ZFPM2: variants seen among roughly 807,000 people sequenced by gnomAD.
ZFPM2 encodes the protein zinc finger protein ZFPM2.
ZFPM2 carries 20 observed loss-of-function variants against 98.6 expected under a neutral mutation model. The observed-to-expected ratio is 0.20, with a 90% CI of 0.14 to 0.29. ZFPM2 has a LOEUF of 0.29. Ranked by LOEUF, ZFPM2 falls within the 10% of genes least tolerant of loss-of-function variation. The pLI is 1.00. For synonymous variants in ZFPM2, 518 were observed against 502.7 expected, an observed-to-expected ratio of 1.03 and a Z score of -0.41; for missense variants, 1,310 against 1,388.6, an observed-to-expected ratio of 0.94 and a Z score of 0.90.
chr8:105,803,252 A>C lies in ZFPM2; in HGVS notation c.3170A>C (p.Asn1057Thr). ...GLKQDERPAA[N>T]PQQENISQNP... The stretch of plus-strand genomic sequence containing the variant: ...AAACAAGATGAGAGACCTGCTGCCA[A>C]CCCACAGCAAGAGAACATTTCCCAG... The change falls in exon 8 of 8, where the codon AAC becomes ACC. Residue 1057 changes from asparagine (N) to threonine (T), a missense_variant. By Grantham distance (65) the Asn-to-Thr change is moderately conservative. Coordinates refer to ENST00000407775, the MANE Select transcript of ZFPM2 (RefSeq NM_012082.4). 2 of 1,603,230 alleles carry C rather than the reference A, an allele frequency of 1.2e-6. No individual in the cohort carries two copies. Among genetic ancestry groups the C allele is most frequent in the South Asian group, 1.1e-5 (1 of 89,586 alleles).
intron 5 of ZFPM2, among the ~76,000 whole-genome samples, chr8:105,748,606 G>C (rs1056624492): frequency 6.6e-6 from 1 of 151,896 alleles, no homozygotes; most frequent in Admixed American, 6.6e-5. Flanking sequence ...GTTTTGTTTT[G>C]TCTTTGCGAT....
intron 3 of ZFPM2, among the ~76,000 whole-genome samples, chr8:105,528,665 G>A (rs558325648): frequency 6.6e-6 from 1 of 152,248 alleles, no homozygotes; most frequent in South Asian, 2.1e-4. Context: ...ATGCAACATA[G>A]TTTGGGTAAA....
intron 5 of ZFPM2, among the ~76,000 whole-genome samples, chr8:105,709,621 A>G (rs964346477): frequency 2.0e-5 from 3 of 152,174 alleles, no homozygotes; most frequent in African/African-American, 7.2e-5. Context: ...AATTAAAATT[A>G]ACTGAGAGTG....
Position 105,803,570 on chromosome 8 carries a change from G to GTGTT in ZFPM2, c.*34_*37dup, listed in dbSNP as rs1338305830. ...TAAACATCAGTCACCTTTGGTATCA[G>GTGTT]TGTTTAGTATGTTGTTCTAACCAGT... On this transcript the variant is annotated 3_prime_UTR_variant, in exon 8 of 8. Transcript: ENST00000407775. 6.4e-7 allele frequency: 1 copy of GTGTT among 1,571,476 alleles called. No homozygotes were observed. The highest frequency in any genetic ancestry group is 8.7e-7 in the Non-Finnish European group (1 of 1,155,542).
At chr8:105,505,489 T>A (rs1449644142) in intron 3 of ZFPM2, among the ~76,000 whole-genome samples, 3 of 152,308 alleles carry the variant, frequency 2.0e-5, no homozygotes, top group East Asian at 1.9e-4. Flanking sequence ...CTTAGGACAT[T>A]TTTAACTTAC....
chr8:105,622,945 G>A (rs1215315922), intron 4 of ZFPM2, among the ~76,000 whole-genome samples: 1 of 152,076 alleles, frequency 6.6e-6, no homozygotes, highest in Non-Finnish European at 1.5e-5. Flanking sequence ...CATAATGTGT[G>A]TTCTTATACC....
At chr8:105,518,543 C>G (rs1455176229) in intron 3 of ZFPM2, among the ~76,000 whole-genome samples, 1 of 152,146 alleles carries the variant, frequency 6.6e-6, no homozygotes, top group Non-Finnish European at 1.5e-5. Flanking sequence ...GGAAATGAGT[C>G]ATGCACTGAA....
At chr8:105,698,770 A>T (rs1215881580) in intron 5 of ZFPM2, among the ~76,000 whole-genome samples, 1 of 152,224 alleles carries the variant, frequency 6.6e-6, no homozygotes, top group Non-Finnish European at 1.5e-5. Context: ...AATAAAAATT[A>T]TATGGCTTTA....
At chr8:105,681,027 G>T (rs974799643) in intron 5 of ZFPM2, among the ~76,000 whole-genome samples, 3 of 152,116 alleles carry the variant, frequency 2.0e-5, no homozygotes, top group South Asian at 2.1e-4. Context: ...ACTAAAAGTG[G>T]AATGGAAACC....
chr8:105,411,567 G>C (rs548178157), intron 1 of ZFPM2, among the ~76,000 whole-genome samples: 15 of 151,764 alleles, frequency 9.9e-5, no homozygotes, highest in Non-Finnish European at 2.1e-4. Context: ...TTCATCGTTC[G>C]TACTTATTTT....
chr8:105,647,808 T>G lies in ZFPM2; in HGVS notation c.532+13451T>G, dbSNP rs1421411428. Among the ~76,000 whole-genome samples, 10 of 152,338 alleles carry G rather than the reference T, an allele frequency of 6.6e-5. No homozygotes were observed. In the East Asian group the frequency reaches 1.9e-3, roughly 29 times the overall value. ...GACATTTGGCTTGGTTCCAACTCTT[T>G]GCTGTTGTGAATAGCACCACAATAA... On this transcript the variant is annotated intron_variant, in intron 5 of 7. Coordinates refer to ENST00000407775, the MANE Select transcript of ZFPM2 (RefSeq NM_012082.4).
intron 1 of ZFPM2, among the ~76,000 whole-genome samples, chr8:105,341,422 A>G (rs2860297): frequency 0.44 from 66,532 of 151,566 alleles, 16,893 homozygotes; most frequent in Middle Eastern, 0.58. Flanking sequence ...AATATTAACA[A>G]TGTAATACTT....
intron 5 of ZFPM2, among the ~76,000 whole-genome samples, chr8:105,689,724 G>A (rs1810832602): frequency 6.6e-6 from 1 of 152,078 alleles, no homozygotes; most frequent in Non-Finnish European, 1.5e-5. Context: ...ATTCTGCATG[G>A]CATTTTTTAA....
At chr8:105,393,382 C>CT (rs1426751066) in intron 1 of ZFPM2, among the ~76,000 whole-genome samples, 1 of 47,538 alleles carries the variant, frequency 2.1e-5, no homozygotes, top group Non-Finnish European at 4.1e-5. Flanking sequence ...TTCTTTCTTT[C>CT]TTTCTTTCTT....
intron 5 of ZFPM2, among the ~76,000 whole-genome samples, chr8:105,712,878 G>C (rs138521450): frequency 0.014 from 2,098 of 152,140 alleles, 28 homozygotes; most frequent in Admixed American, 0.023. Flanking sequence ...TGCTGCAAAG[G>C]ACATGATATC....
intron 3 of ZFPM2, among the ~76,000 whole-genome samples, chr8:105,450,666 T>A (rs959661421): frequency 2.0e-5 from 3 of 152,020 alleles, no homozygotes; most frequent in African/African-American, 7.2e-5. Flanking sequence ...CTCAATGCTT[T>A]GTGTCCATAT....
At chr8:105,397,003 A>G (rs1811233109) in intron 1 of ZFPM2, among the ~76,000 whole-genome samples, 1 of 152,238 alleles carries the variant, frequency 6.6e-6, no homozygotes, top group Non-Finnish European at 1.5e-5. Context: ...TACTCAAGAA[A>G]TAACACAAAT....
chr8:105,781,700 G>T (rs549921554), intron 5 of ZFPM2, among the ~76,000 whole-genome samples: 1 of 152,134 alleles, frequency 6.6e-6, no homozygotes, highest in Non-Finnish European at 1.5e-5. Context: ...CAGCCTGGGT[G>T]ACAGAGTGAG....
At chr8:105,451,821 A>G (rs540830684) in intron 3 of ZFPM2, 4 of 152,158 alleles carry the variant, frequency 2.6e-5, no homozygotes, top group Non-Finnish European at 5.9e-5. Context: ...TTAGAAGGAA[A>G]CTATGTGGGC....
Sources: gnomAD v4.1 joint callset for allele counts (sites outside exome capture counted in the v4.1 genomes callset) on GRCh38, gnomAD v4.1.1 for gene constraint, MANE v1.5 for transcripts, NCBI Gene and HGNC (gene_info 2026-07-23, HGNC 2026-07-21) for gene names.